The following CCT3 variants were observed in gnomAD, a reference collection of about 807,000 sequenced individuals.
CCT3 encodes chaperonin containing TCP1 subunit 3, also known as T-complex protein 1 subunit gamma.
CCT3 carries 10 observed loss-of-function variants against 65.3 expected under a neutral mutation model. The ratio of observed to expected loss-of-function variants is 0.15; its 90% CI spans 0.09 to 0.26. CCT3 has a LOEUF of 0.26. Among genes scored for constraint, CCT3 ranks in the 10% least tolerant of loss-of-function variants. The pLI is 1.00. For missense variants in CCT3, 626 were observed against 708.7 expected, an observed-to-expected ratio of 0.88 and a Z score of 1.33; for synonymous variants, 225 against 242.3, an observed-to-expected ratio of 0.93 and a Z score of 0.66.
At position 156,333,511 on chromosome 1, in the gene CCT3, T is replaced by C. The variant is rs754581537; in HGVS notation, c.304+36A>G. ...TAAAATATGACACAGGTGTTACTTC[T>C]AATTTTTCCTTATCAACCTCTTATT... On this transcript the variant is annotated intron_variant, in intron 5 of 13. Transcript: ENST00000295688. 6 of 1,480,788 alleles carry C rather than the reference T, an allele frequency of 4.1e-6. No homozygotes were observed. In the African/African-American group the frequency reaches 8.3e-5, roughly 20 times the overall value. 91.7% of individuals were successfully genotyped at this position (1,480,788 alleles called of 1,614,324 possible).
At chr1:156,320,348 C>A (rs887184092) in intron 7 of CCT3, among the ~76,000 whole-genome samples, 1 of 152,152 alleles carries the variant, frequency 6.6e-6, no homozygotes, top group Non-Finnish European at 1.5e-5. Flanking sequence ...GTGGAGGCTA[C>A]AGTGAGCCGA....
At chr1:156,332,426 T>C (rs557413576) in intron 5 of CCT3, among the ~76,000 whole-genome samples, 1 of 152,174 alleles carries the variant, frequency 6.6e-6, no homozygotes, top group African/African-American at 2.4e-5. Context: ...TATGATCCTA[T>C]AGGAAGTAGA....
At position 156,333,565 on chromosome 1, in the gene CCT3, T is replaced by C. The variant is rs779997484; in HGVS notation, c.286A>G (p.Thr96Ala). 6.2e-7 allele frequency: 1 copy of C among 1,613,766 alleles called. No homozygotes were observed. The highest frequency in any genetic ancestry group is 1.1e-5 in the South Asian group (1 of 91,084). Reference sequence around the variant, plus strand: ...CTCTTACCAAGAATAATTACTGATGTGGTCCCATCTCCAACCTCTTCATCC... The same window carrying C: ...CTCTTACCAAGAATAATTACTGATGCGGTCCCATCTCCAACCTCTTCATCC... ...TQDEEVGDGT[T>A]SVIILAGEML... Residue 96 changes from threonine to alanine, a missense_variant, in exon 5 of 14, where the codon ACA becomes GCA. Thr to Ala is a moderately conservative substitution (Grantham distance 58). Coordinates refer to ENST00000295688, the MANE Select transcript of CCT3 (RefSeq NM_005998.5).
In CCT3 at chr1:156,338,277, C is replaced by T; in HGVS notation, c.-93G>A. 1 of 1,312,862 alleles carries T rather than the reference C, an allele frequency of 7.6e-7. No homozygotes were observed. The highest frequency in any genetic ancestry group is 1.1e-6 in the Non-Finnish European group (1 of 932,400). The allele number at this position is 1,312,862 out of a possible 1,614,324, so 81.3% of individuals were successfully genotyped here. ...CCAGACAGAAGCCCAGAAAACGCTG[C>T]CTCCTCAGGGCTTACACCTCAACCC... is the stretch of plus-strand genomic sequence containing the variant. On this transcript the variant is annotated 5_prime_UTR_variant, in exon 1 of 14. Coordinates refer to ENST00000295688, the MANE Select transcript of CCT3 (RefSeq NM_005998.5).
chr1:156,329,596 C>A (rs1002781352), intron 5 of CCT3, among the ~76,000 whole-genome samples: 1 of 151,814 alleles, frequency 6.6e-6, no homozygotes, highest in Non-Finnish European at 1.5e-5. Flanking sequence ...TAAGCCACCG[C>A]GCCCAGCCCA....
intron 10 of CCT3, among the ~76,000 whole-genome samples, chr1:156,315,866 G>C (rs566334988): frequency 1.3e-5 from 2 of 151,978 alleles, no homozygotes; most frequent in African/African-American, 4.8e-5. Flanking sequence ...TAGAGAATTA[G>C]AACCTGCAAA....
At position 156,310,639 on chromosome 1, in the gene CCT3, C is replaced by A; in HGVS notation, c.1452G>T (p.Thr484=). Reference sequence around the variant, plus strand: ...GTTCCTTCATGTCCACCAAAGTACCCGTCTCACCATTTACACCCCAGGTCT... The same window carrying A: ...GTTCCTTCATGTCCACCAAAGTACCAGTCTCACCATTTACACCCCAGGTCT... ...NCETWGVNGE[T]GTLVDMKELG... The change falls in exon 13 of 14, where the codon ACG becomes ACT. Residue 484 remains threonine (T), a synonymous_variant. Coordinates refer to ENST00000295688, the MANE Select transcript of CCT3 (RefSeq NM_005998.5). The A allele has an allele frequency of 1.2e-6, 2 of 1,613,962 alleles. No homozygotes were observed. Among genetic ancestry groups the A allele is most frequent in the Non-Finnish European group, 1.7e-6 (2 of 1,179,864 alleles).
At chr1:156,327,570 G>C (rs1233837669) in intron 5 of CCT3, among the ~76,000 whole-genome samples, 1 of 152,260 alleles carries the variant, frequency 6.6e-6, no homozygotes, top group East Asian at 1.9e-4. Context: ...CGGGATTGCA[G>C]ACGGAGTCTC....
At chr1:156,326,649 C>CAAAAAAAAAAAAAAAA (rs760908966) in intron 5 of CCT3, among the ~76,000 whole-genome samples, 2 of 65,660 alleles carry the variant, frequency 3.0e-5, no homozygotes, top group Non-Finnish European at 5.9e-5. Flanking sequence ...GACTCCATCT[C>CAAAAAAAAAAAAAAAA]AAAAAAAAAA....
Position 156,312,254 on chromosome 1 carries a change from G to T in CCT3, c.975-33C>A, listed in dbSNP as rs957726265. ...ACGGAAGAGGTGGGGAGAATCAGAT[G>T]ATTTCAGATACTTGTACCCATTTCC... On this transcript the variant is annotated intron_variant, in intron 10 of 13. Transcript: ENST00000295688. The T allele has an allele frequency of 8.1e-6, 13 of 1,600,024 alleles. No individual in the cohort carries two copies. In the East Asian group the frequency reaches 8.9e-5, roughly 11 times the overall value.
At chr1:156,329,880 A>C (rs558953913) in intron 5 of CCT3, among the ~76,000 whole-genome samples, 7 of 151,870 alleles carry the variant, frequency 4.6e-5, no homozygotes, top group Non-Finnish European at 7.4e-5. Context: ...CAGAGGCTGC[A>C]GTGAGCCAAG....
intron 8 of CCT3, among the ~76,000 whole-genome samples, chr1:156,318,000 C>CA (rs1664384957): frequency 6.6e-6 from 1 of 152,144 alleles, no homozygotes; most frequent in South Asian, 2.1e-4. Context: ...GCGTGAGCCA[C>CA]CACGCCCGGC....
At chr1:156,316,496 G>A (rs1664318847) in intron 10 of CCT3, among the ~76,000 whole-genome samples, 1 of 152,206 alleles carries the variant, frequency 6.6e-6, no homozygotes, top group South Asian at 2.1e-4. Flanking sequence ...GGGTATAAAA[G>A]TATAAAATAT....
chr1:156,316,208 A>C lies in CCT3; in HGVS notation c.974+958T>G, dbSNP rs564802462. Among the ~76,000 whole-genome samples, 47 of 152,320 alleles carry C rather than the reference A, an allele frequency of 3.1e-4. 3 individuals carry two copies. The South Asian group carries it at 9.5e-3, about 31-fold the overall frequency. ...CAACTATTTATATAGCATTTATGCT[A>C]TATTAGGCATTATAAGCAATCTAAA... On this transcript the variant is annotated intron_variant, in intron 10 of 13. Transcript: ENST00000295688.
intron 8 of CCT3, among the ~76,000 whole-genome samples, chr1:156,317,958 C>T (rs1321737116): frequency 2.6e-5 from 4 of 152,092 alleles, no homozygotes; most frequent in Admixed American, 1.3e-4. Context: ...GTGATCCGCC[C>T]GCCTCTGCCT....
chr1:156,328,221 C>T (rs1414056001), intron 5 of CCT3, among the ~76,000 whole-genome samples: 3 of 122,686 alleles, frequency 2.4e-5, no homozygotes, highest in Non-Finnish European at 5.6e-5. Context: ...TCCCCCCGTC[C>T]GGGAGGGAGG....
chr1:156,333,453 G>T, intron 5 of CCT3, 94 bp downstream of exon 5: 1 of 875,386 alleles, frequency 1.1e-6, no homozygotes, highest in Non-Finnish European at 1.9e-6. Flanking sequence ...TTAAATATCT[G>T]TAATTAGTGG....
Position 156,325,100 on chromosome 1 carries a change from TAC to T in CCT3, c.305-13_305-12del. On this transcript the variant is annotated splice_polypyrimidine_tract_variant and intron_variant, in intron 5 of 13. Transcript: ENST00000295688. ...ACAGCATTTCCCCTGCTGAAAAAGA[TAC>T]AAGCACCATAGTAATATTTAAAGCA... 2 of 1,564,728 alleles carry T rather than the reference TAC, an allele frequency of 1.3e-6. No homozygotes were observed. The highest frequency in any genetic ancestry group is 1.8e-6 in the Non-Finnish European group (2 of 1,138,608).
At chr1:156,325,802 C>T (rs984221478) in intron 5 of CCT3, among the ~76,000 whole-genome samples, 5 of 151,826 alleles carry the variant, frequency 3.3e-5, no homozygotes, top group Non-Finnish European at 2.9e-5. Context: ...AGGCTGGTCT[C>T]GAACTCGTGA....
Sources: allele counts gnomAD v4.1 joint callset (sites outside exome capture counted in the v4.1 genomes callset), GRCh38; gene constraint gnomAD v4.1.1; transcripts MANE v1.5; gene names NCBI Gene and HGNC (gene_info 2026-07-23, HGNC 2026-07-21).